GALNTL6: variants seen among roughly 807,000 people sequenced by gnomAD.
GALNTL6 encodes polypeptide N-acetylgalactosaminyltransferase like 6.
A neutral mutation model predicts 73.7 loss-of-function variants in GALNTL6; 46 were observed. The observed-to-expected ratio is 0.62, with a 90% CI of 0.49 to 0.80. The LOEUF (loss-of-function observed/expected upper bound fraction) is 0.80, where lower values mean the gene tolerates loss of function less well. Among genes scored for constraint, GALNTL6 ranks in the 30% least tolerant of loss-of-function variants. The pLI is 0.00. For missense variants in GALNTL6, 604 were observed against 755.0 expected (o/e 0.80, Z 2.34); for synonymous variants, 259 against 263.7 (o/e 0.98, Z 0.17).
chr4:172,151,205 T>C (rs568036151), intron 2 of GALNTL6, among the ~76,000 whole-genome samples: 7 of 152,260 alleles, frequency 4.6e-5, no homozygotes, highest in African/African-American at 1.4e-4. Context: ...AGGAAATGGC[T>C]AAGAGAAATA....
chr4:172,875,003 G>A (rs914006010), intron 7 of GALNTL6, among the ~76,000 whole-genome samples: 3 of 152,264 alleles, frequency 2.0e-5, no homozygotes, highest in African/African-American at 7.2e-5. Flanking sequence ...AGCTGGAGGG[G>A]GCTGGCAACA....
intron 7 of GALNTL6, among the ~76,000 whole-genome samples, chr4:172,855,006 C>A (rs1362994750): frequency 6.6e-6 from 1 of 152,074 alleles, no homozygotes; most frequent in African/African-American, 2.4e-5. Context: ...AAATCTAGAA[C>A]ACATTTTTAC....
intron 5 of GALNTL6, among the ~76,000 whole-genome samples, chr4:172,752,546 T>C (rs1737487241): frequency 6.6e-6 from 1 of 152,096 alleles, no homozygotes; most frequent in Non-Finnish European, 1.5e-5. Flanking sequence ...AATTAGTTAT[T>C]CTTTAATTTG....
intron 2 of GALNTL6, among the ~76,000 whole-genome samples, chr4:171,939,969 T>C (rs1644758753): frequency 6.6e-6 from 1 of 152,190 alleles, no homozygotes; most frequent in South Asian, 2.1e-4. Flanking sequence ...AGCTATCAAC[T>C]TCAGAGTCCC....
At chr4:171,955,386 A>G in intron 2 of GALNTL6, among the ~76,000 whole-genome samples, 1 of 150,952 alleles carries the variant, frequency 6.6e-6, no homozygotes, top group South Asian at 2.1e-4. Context: ...ATCTATCTAT[A>G]TATATATATG....
intron 5 of GALNTL6, among the ~76,000 whole-genome samples, chr4:172,422,627 A>G (rs527811988): frequency 6.6e-6 from 1 of 152,006 alleles, no homozygotes; most frequent in Admixed American, 6.6e-5. Flanking sequence ...AGAGACTCCA[A>G]GACTTTTATG....
intron 5 of GALNTL6, among the ~76,000 whole-genome samples, chr4:172,740,212 T>C (rs1736719491): frequency 6.6e-6 from 1 of 152,066 alleles, no homozygotes; most frequent in Admixed American, 6.6e-5. Flanking sequence ...CCAAGAACCA[T>C]TCAGAAAAAC....
chr4:172,329,102 C>G (rs942832737), intron 4 of GALNTL6, among the ~76,000 whole-genome samples: 1 of 152,156 alleles, frequency 6.6e-6, no homozygotes, highest in Non-Finnish European at 1.5e-5. Context: ...ACATGGAGAA[C>G]AGTCTGTCCA....
chr4:172,616,955 C>T (rs1738762221), intron 5 of GALNTL6, among the ~76,000 whole-genome samples: 1 of 152,122 alleles, frequency 6.6e-6, no homozygotes, highest in South Asian at 2.1e-4. Flanking sequence ...GGAGGGACCT[C>T]TTACCTTTAT....
chr4:172,898,575 C>A (rs1746458418), intron 8 of GALNTL6, among the ~76,000 whole-genome samples: 1 of 151,994 alleles, frequency 6.6e-6, no homozygotes, highest in South Asian at 2.1e-4. Context: ...TTAAGTAAAT[C>A]AGCTGTTTCT....
chr4:172,721,160 T>C (rs1579392319), intron 5 of GALNTL6, among the ~76,000 whole-genome samples: 2 of 152,242 alleles, frequency 1.3e-5, no homozygotes, highest in Non-Finnish European at 2.9e-5. Flanking sequence ...TAAAATGTTA[T>C]GGCATAAATG....
At chr4:172,412,950 G>A (rs74811437) in intron 5 of GALNTL6, among the ~76,000 whole-genome samples, 9 of 152,116 alleles carry the variant, frequency 5.9e-5, no homozygotes, top group African/African-American at 1.9e-4. Flanking sequence ...TCCAGAAATA[G>A]AGCCACATTC....
intron 7 of GALNTL6, among the ~76,000 whole-genome samples, chr4:172,825,049 C>CTTTT (rs1424304620): frequency 1.8e-5 from 1 of 55,468 alleles, no homozygotes; most frequent in Non-Finnish European, 5.8e-5. Context: ...TGGGACAATT[C>CTTTT]TTTTTTCTTT....
chr4:173,020,723 CTG>C (rs1368604308), intron 11 of GALNTL6, among the ~76,000 whole-genome samples: 1 of 152,208 alleles, frequency 6.6e-6, no homozygotes, highest in Non-Finnish European at 1.5e-5. Context: ...TTTGGGCAAA[CTG>C]TGTAGGATTT....
chr4:172,731,501 C>G (rs1027068396), intron 5 of GALNTL6, among the ~76,000 whole-genome samples: 5 of 151,894 alleles, frequency 3.3e-5, no homozygotes, highest in Non-Finnish European at 7.4e-5. Flanking sequence ...AAAAAACAAC[C>G]TTTGCTTTGT....
At chr4:172,095,079 T>C (rs1310723290) in intron 2 of GALNTL6, among the ~76,000 whole-genome samples, 1 of 151,766 alleles carries the variant, frequency 6.6e-6, no homozygotes, top group Non-Finnish European at 1.5e-5. Context: ...CAATTTGCCT[T>C]CATACTTTAA....
intron 5 of GALNTL6, among the ~76,000 whole-genome samples, chr4:172,522,398 T>C (rs2110820687): frequency 6.6e-6 from 1 of 152,288 alleles, no homozygotes; most frequent in Admixed American, 6.5e-5. Context: ...TAGGCCGGGC[T>C]TGTGGCTTAC....
chr4:172,065,897 G>T (rs557807067), intron 2 of GALNTL6, among the ~76,000 whole-genome samples: 1 of 152,254 alleles, frequency 6.6e-6, no homozygotes, highest in African/African-American at 2.4e-5. Flanking sequence ...ACTCACTATC[G>T]TGAGAACAGC....
intron 5 of GALNTL6, among the ~76,000 whole-genome samples, chr4:172,409,406 TA>T (rs1404917396): frequency 6.6e-6 from 1 of 152,028 alleles, no homozygotes; most frequent in Non-Finnish European, 1.5e-5. Context: ...ATCAAATATC[TA>T]ATTTTTTGTA....
Sources: gnomAD v4.1 joint callset for allele counts (sites outside exome capture counted in the v4.1 genomes callset) on GRCh38, gnomAD v4.1.1 for gene constraint, MANE v1.5 for transcripts, NCBI Gene and HGNC (gene_info 2026-07-23, HGNC 2026-07-21) for gene names.